SKAP1: variants seen among roughly 807,000 people sequenced by gnomAD.
SKAP1 encodes src kinase associated phosphoprotein 1, also known as src kinase-associated phosphoprotein 1.
A neutral mutation model predicts 58.5 loss-of-function variants in SKAP1; 44 were observed. The observed-to-expected ratio is 0.75, with a 90% CI of 0.59 to 0.97. The LOEUF (loss-of-function observed/expected upper bound fraction) is 0.97, where lower values mean the gene tolerates loss of function less well. Ranked by LOEUF, SKAP1 falls within the 50% of genes least tolerant of loss-of-function variation. The probability of loss-of-function intolerance (pLI) is 0.00; values close to 1 mark genes in which losing one functional copy is unlikely to be tolerated. For synonymous variants in SKAP1, 127 were observed against 149.7 expected, an observed-to-expected ratio of 0.85 and a Z score of 1.11; for missense variants, 390 against 435.2, an observed-to-expected ratio of 0.90 and a Z score of 0.92.
intron 4 of SKAP1, among the ~76,000 whole-genome samples, chr17:48,200,564 G>C (rs1314944876): frequency 1.3e-5 from 2 of 152,066 alleles, no homozygotes; most frequent in Non-Finnish European, 2.9e-5. Context: ...TTTTAGTAGA[G>C]ACGGGGTTTC....
intron 2 of SKAP1, among the ~76,000 whole-genome samples, chr17:48,394,303 G>A (rs1290901363): frequency 6.6e-6 from 1 of 151,910 alleles, no homozygotes; most frequent in Non-Finnish European, 1.5e-5. Context: ...AATTATTTTT[G>A]TGTTACTGTA....
Position 48,165,378 on chromosome 17 carries a change from CTTTT to C in SKAP1, c.878-2813_878-2810del, listed in dbSNP as rs1193944573. Among the ~76,000 whole-genome samples, 36 of 117,270 alleles carry C rather than the reference CTTTT, an allele frequency of 3.1e-4. No homozygotes were observed. The Middle Eastern group carries it at 0.017, about 57-fold the overall frequency. 76.9% of individuals were successfully genotyped at this position (117,270 alleles called of 152,430 possible). ...GCATGAGGAGACTTTGCTTTCTTTTCTTTTCTTTCTTTCTTTCTTTCTTTCTTTT... is the reference window on the plus strand; with the variant it reads ...GCATGAGGAGACTTTGCTTTCTTTTCCTTTCTTTCTTTCTTTCTTTCTTTT... On this transcript the variant is annotated intron_variant, in intron 10 of 12. Transcript: ENST00000336915.
chr17:48,218,722 A>G (rs2064969444), intron 4 of SKAP1, among the ~76,000 whole-genome samples: 1 of 152,242 alleles, frequency 6.6e-6, no homozygotes, highest in African/African-American at 2.4e-5. Flanking sequence ...GTGTAGTTTC[A>G]TCAGAGCACA....
At chr17:48,381,222 A>G (rs773279973) in intron 2 of SKAP1, among the ~76,000 whole-genome samples, 1 of 152,184 alleles carries the variant, frequency 6.6e-6, no homozygotes, top group Admixed American at 6.5e-5. Context: ...TCACTGCCTC[A>G]TGCTTTACTC....
chr17:48,135,301 G>T (rs1226635881), intron 12 of SKAP1, among the ~76,000 whole-genome samples: 1 of 152,050 alleles, frequency 6.6e-6, no homozygotes, highest in African/African-American at 2.4e-5. Flanking sequence ...TCCTATTTCA[G>T]GCCAGAAGAT....
intron 2 of SKAP1, among the ~76,000 whole-genome samples, chr17:48,369,441 T>A (rs932737553): frequency 1.4e-5 from 2 of 147,786 alleles, no homozygotes; most frequent in South Asian, 2.1e-4. Flanking sequence ...CAGTGAGCCA[T>A]GATTGCACCA....
intron 2 of SKAP1, among the ~76,000 whole-genome samples, chr17:48,372,821 T>C (rs952004764): frequency 4.6e-5 from 7 of 152,154 alleles, no homozygotes; most frequent in African/African-American, 1.7e-4. Flanking sequence ...CCTTTATTTT[T>C]CATTTTAGTA....
intron 1 of SKAP1, among the ~76,000 whole-genome samples, chr17:48,401,821 A>G (rs2067502319): frequency 6.6e-6 from 1 of 152,214 alleles, no homozygotes; most frequent in Admixed American, 6.5e-5. Context: ...AAGGCCAACA[A>G]GAAAGCAAAA....
At chr17:48,284,644 G>T (rs555923223) in intron 4 of SKAP1, among the ~76,000 whole-genome samples, 1 of 152,088 alleles carries the variant, frequency 6.6e-6, no homozygotes, top group Non-Finnish European at 1.5e-5. Flanking sequence ...TATAAGTAAC[G>T]CAGGGATCTA....
At chr17:48,356,700 ATT>A (rs912108441) in intron 3 of SKAP1, among the ~76,000 whole-genome samples, 2 of 152,182 alleles carry the variant, frequency 1.3e-5, no homozygotes, top group African/African-American at 2.4e-5. Flanking sequence ...GATTTATCTC[ATT>A]TTTTATTTTA....
chr17:48,204,981 C>CTTTTCTTTTCT (rs1567819762), intron 4 of SKAP1, among the ~76,000 whole-genome samples: 17 of 57,080 alleles, frequency 3.0e-4, no homozygotes, highest in African/African-American at 9.6e-4. Flanking sequence ...TCTTTTCTTT[C>CTTTTCTTTTCT]TTTCTTTCTT....
chr17:48,362,118 T>A (rs2066945754), intron 3 of SKAP1, among the ~76,000 whole-genome samples: 1 of 152,144 alleles, frequency 6.6e-6, no homozygotes, highest in South Asian at 2.1e-4. Context: ...GCAAATACAG[T>A]TTTCTGTTCT....
chr17:48,292,009 T>C (rs1175716511), intron 4 of SKAP1, among the ~76,000 whole-genome samples: 1 of 152,072 alleles, frequency 6.6e-6, no homozygotes, highest in Admixed American at 6.5e-5. Flanking sequence ...GTATCTAATA[T>C]ACTTCATTAG....
intron 4 of SKAP1, among the ~76,000 whole-genome samples, chr17:48,276,958 G>A (rs2065708573): frequency 6.6e-6 from 1 of 152,192 alleles, no homozygotes; most frequent in Non-Finnish European, 1.5e-5. Flanking sequence ...TTAGACACAG[G>A]AGATGACCTC....
Position 48,416,583 on chromosome 17 carries a change from T to C in SKAP1, c.46+13492A>G, listed in dbSNP as rs1229244698. Among the ~76,000 whole-genome samples the C allele has an allele frequency of 3.3e-5, 5 of 152,214 alleles. No homozygotes were observed. In the East Asian group the frequency reaches 5.8e-4, roughly 18 times the overall value. ...CCACCTTGTCATGTCTAGCCAACCA[T>C]GCCTGCCACACCAAAACAATCTCCA... On this transcript the variant is annotated intron_variant, in intron 1 of 12. Coordinates refer to ENST00000336915, the MANE Select transcript of SKAP1 (RefSeq NM_003726.4).
intron 10 of SKAP1, 152 bp downstream of exon 10, chr17:48,170,457 C>T: frequency 1.5e-6 from 1 of 673,550 alleles, no homozygotes; most frequent in Non-Finnish European, 2.6e-6. Context: ...TTTCCCTACC[C>T]AGTCACTTTA....
At chr17:48,322,508 T>C (rs1039101947) in intron 4 of SKAP1, among the ~76,000 whole-genome samples, 1 of 152,216 alleles carries the variant, frequency 6.6e-6, no homozygotes, top group Non-Finnish European at 1.5e-5. Flanking sequence ...TTGCTACTTA[T>C]TGATTGTTGC....
intron 11 of SKAP1, among the ~76,000 whole-genome samples, chr17:48,153,049 A>G (rs2063922990): frequency 1.4e-5 from 2 of 140,662 alleles, no homozygotes; most frequent in African/African-American, 2.6e-5. Flanking sequence ...ACACACACAC[A>G]TACATACACA....
At chr17:48,251,505 A>T (rs2065363097) in intron 4 of SKAP1, among the ~76,000 whole-genome samples, 1 of 152,248 alleles carries the variant, frequency 6.6e-6, no homozygotes, top group Non-Finnish European at 1.5e-5. Context: ...TTTTAAAAAG[A>T]ACTTTAATAC....
Sources: gnomAD v4.1 joint callset for allele counts (sites outside exome capture counted in the v4.1 genomes callset) on GRCh38, gnomAD v4.1.1 for gene constraint, MANE v1.5 for transcripts, NCBI Gene and HGNC (gene_info 2026-07-23, HGNC 2026-07-21) for gene names.